The following DDOST variants were observed in gnomAD, a reference collection of about 807,000 sequenced individuals.
The protein encoded by DDOST is dolichyl-diphosphooligosaccharide--protein glycosyltransferase 48 kDa subunit.
In DDOST, 25 loss-of-function variants were observed where a neutral mutation model predicts 47.6. The ratio of observed to expected loss-of-function variants is 0.53; its 90% confidence interval spans 0.38 to 0.73. DDOST has a LOEUF of 0.73. DDOST is among the 30% of genes least tolerant of loss of function. The pLI is 0.00. For synonymous variants in DDOST, 275 were observed against 236.0 expected (o/e 1.17, Z -1.51); for missense variants, 526 against 573.9 (o/e 0.92, Z 0.85).
In DDOST at chr1:20,651,801, TTTTATTTATTTA is replaced by T. The variant is rs78039244; in HGVS notation, c.*566_*577del. ...GTTTGAGGGCAACATCTCGCTTTAT[TTTTATTTATTTA>T]TTTATTTATTTATTTATTTATTTAT... On this transcript the variant is annotated 3_prime_UTR_variant, in exon 11 of 11. Transcript: ENST00000602624. The T allele has an allele frequency of 0.4, 58,811 of 147,092 alleles. 11,661 individuals are homozygous for T. The highest frequency in any genetic ancestry group is 0.45 in the Middle Eastern group (129 of 288). 9.1% of individuals were successfully genotyped at this position (147,092 alleles called of 1,614,324 possible).
Position 20,652,936 on chromosome 1 carries a change from G to A in DDOST, c.978C>T (p.Gly326=). 1 of 1,614,202 alleles carries A rather than the reference G, an allele frequency of 6.2e-7. No homozygotes were observed. Among genetic ancestry groups the A allele is most frequent in the Non-Finnish European group, 8.5e-7 (1 of 1,180,024 alleles). Residue 326 remains glycine (G), a synonymous_variant, in exon 9 of 11, where the codon GGC becomes GGT. Coordinates refer to ENST00000602624, the MANE Select transcript of DDOST (RefSeq NM_005216.5). ...YSIVIQQLSN[G]KWVPFDGDDI... ...CATCGCCATCAAAGGGGACCCATTTGCCATTTGAGAGCTGCTGGATCACGA... is the reference window on the plus strand; with the variant it reads ...CATCGCCATCAAAGGGGACCCATTTACCATTTGAGAGCTGCTGGATCACGA...
At position 20,651,801 on chromosome 1, in the gene DDOST, T is replaced by TTTTATTTATTTATTTATTTATTTATTTA. The variant is rs78039244; in HGVS notation, c.*550_*577dup. 12 of 147,210 alleles carry TTTTATTTATTTATTTATTTATTTATTTA rather than the reference T, an allele frequency of 8.2e-5. No individual in the cohort carries two copies. In the East Asian group the frequency reaches 1.0e-3, roughly 12 times the overall value. The allele number at this position is 147,210 out of a possible 1,614,324, so 9.1% of individuals were successfully genotyped here. A position where few individuals can be genotyped will look rare whatever the true frequency, so the allele number is the denominator to read the frequency against. The stretch of plus-strand genomic sequence containing the variant: ...GTTTGAGGGCAACATCTCGCTTTAT[T>TTTTATTTATTTATTTATTTATTTATTTA]TTTATTTATTTATTTATTTATTTAT... On this transcript the variant is annotated 3_prime_UTR_variant, in exon 11 of 11. Coordinates refer to ENST00000602624, the MANE Select transcript of DDOST (RefSeq NM_005216.5).
chr1:20,654,858 CTTGT>C, intron 5 of DDOST, 151 bp from the exon 6 acceptor site: 1 of 609,804 alleles, frequency 1.6e-6, no homozygotes, highest in South Asian at 1.9e-5. Context: ...TGGAGTCTGA[CTTGT>C]TTTTGTTTTT....
chr1:20,654,468 C>A, intron 6 of DDOST, 97 bp from the exon 7 acceptor site: 1 of 1,453,046 alleles, frequency 6.9e-7, no homozygotes, highest in Non-Finnish European at 9.4e-7. Context: ...ACCAAAACGA[C>A]CCTGGCCCTA....
chr1:20,655,162 CTTTTTT>C (rs757852250), intron 5 of DDOST, among the ~76,000 whole-genome samples: 1 of 86,904 alleles, frequency 1.2e-5, no homozygotes, highest in Admixed American at 1.4e-4. Context: ...GCTCGGCCAA[CTTTTTT>C]TTGTTTTTTT....
intron 6 of DDOST, 113 bp from the exon 7 acceptor site, chr1:20,654,484 AG>A: frequency 7.0e-7 from 1 of 1,418,794 alleles, no homozygotes; most frequent in Non-Finnish European, 9.7e-7. Context: ...CCCTACCTGA[AG>A]GGGGAGCCTG....
intron 8 of DDOST, 46 bp from the exon 9 acceptor site, chr1:20,653,017 C>G: frequency 6.2e-7 from 1 of 1,609,468 alleles, no homozygotes; most frequent in Non-Finnish European, 8.5e-7. Context: ...TGACTGGAGG[C>G]CTTCCACCAC....
At position 20,661,216 on chromosome 1, in the gene DDOST, A is replaced by T; in HGVS notation, c.135T>A (p.Leu45=). The part of the protein sequence containing the change: ...DNLNVRETHS[L]FFRSLKDRGF... ...TCTCACCCTTCAGGCTCCGGAAGAA[A>T]AGCGAATGAGTCTCCCGCACGTTGA... The change falls in exon 1 of 11, where the codon CTT becomes CTA. Residue 45 remains leucine, a synonymous_variant. Coordinates refer to ENST00000602624, the MANE Select transcript of DDOST (RefSeq NM_005216.5). 6.2e-7 allele frequency: 1 copy of T among 1,613,934 alleles called. No homozygotes were observed. Among genetic ancestry groups the T allele is most frequent in the East Asian group, 2.2e-5 (1 of 44,864 alleles).
In DDOST at chr1:20,659,417, A is replaced by C. The variant is rs182148715; in HGVS notation, c.265+1464T>G. On this transcript the variant is annotated intron_variant, in intron 2 of 10. Coordinates refer to ENST00000602624, the MANE Select transcript of DDOST (RefSeq NM_005216.5). ...TGCCTCCGCTTCATCTTACATCCTG[A>C]CACAGGGTTTGGTAACTCATTTCAG... Among the ~76,000 whole-genome samples the C allele has an allele frequency of 5.1e-4, 78 of 152,202 alleles. 1 individual carries two copies. The highest frequency in any genetic ancestry group is 1.8e-3 in the African/African-American group (76 of 41,520).
At position 20,655,473 on chromosome 1, in the gene DDOST, G is replaced by A; in HGVS notation, c.518C>T (p.Ser173Leu). 6.2e-7 allele frequency: 1 copy of A among 1,614,016 alleles called. No homozygotes were observed. Among genetic ancestry groups the A allele is most frequent in the Non-Finnish European group, 8.5e-7 (1 of 1,179,968 alleles). ...LLKAPTIVGKSSLNPILFRGV... is the reference protein window; with the variant it reads ...LLKAPTIVGKLSLNPILFRGV... ...TCGAAAGAGGATGGGATTTAGAGAT[G>A]ATTTCCCAACGATGGTTGGGGCCTT... The change falls in exon 5 of 11, where the codon TCA becomes TTA. Residue 173 changes from serine to leucine, a missense_variant. Physicochemically the swap from Ser to Leu is moderately radical, Grantham distance 145 (BLOSUM62 -2). Coordinates refer to ENST00000602624, the MANE Select transcript of DDOST (RefSeq NM_005216.5).
intron 3 of DDOST, 45 bp from the exon 4 acceptor site, chr1:20,655,824 C>A (rs1042720788): frequency 3.3e-6 from 5 of 1,537,178 alleles, no homozygotes; most frequent in Admixed American, 1.7e-5. Context: ...TACAGGGGGG[C>A]CTTGGGCCAA....
Position 20,655,791 on chromosome 1 carries a change from G to A in DDOST, c.353-12C>T, listed in dbSNP as rs933239309. 8.1e-6 allele frequency: 13 copies of A among 1,610,664 alleles called. No homozygotes were observed. The highest frequency in any genetic ancestry group is 4.0e-5 in the African/African-American group (3 of 74,834). ...TCGAAGAGGGTCACCTGCACAGACC[G>A]AAGAGACACCTAGCTGAGCCCTTAC... is the stretch of plus-strand genomic sequence containing the variant. On this transcript the variant is annotated splice_polypyrimidine_tract_variant and intron_variant, in intron 3 of 10. Transcript: ENST00000602624.
chr1:20,656,890 A>C (rs189557548), intron 2 of DDOST, among the ~76,000 whole-genome samples: 1 of 152,214 alleles, frequency 6.6e-6, no homozygotes, highest in Non-Finnish European at 1.5e-5. Context: ...GGGTGGGGCT[A>C]TTTGAGGCTC....
chr1:20,658,722 G>A (rs1162468174), intron 2 of DDOST, among the ~76,000 whole-genome samples: 2 of 152,154 alleles, frequency 1.3e-5, no homozygotes, highest in Non-Finnish European at 1.5e-5. Flanking sequence ...GAACTTACGG[G>A]TGTTGTTTTT....
intron 8 of DDOST, 51 bp downstream of exon 8, chr1:20,653,576 T>G (rs1220009154): frequency 2.0e-6 from 3 of 1,517,568 alleles, no homozygotes; most frequent in African/African-American, 2.8e-5. Context: ...TGAGCTGAGC[T>G]CAGTCAGCTT....
chr1:20,660,195 T>G (rs1184727924), intron 2 of DDOST, among the ~76,000 whole-genome samples: 1 of 152,246 alleles, frequency 6.6e-6, no homozygotes, highest in Non-Finnish European at 1.5e-5. Context: ...ATTCTATCTA[T>G]TCTCTAAGGT....
intron 8 of DDOST, 33 bp from the exon 9 acceptor site, chr1:20,653,004 C>T: frequency 6.2e-7 from 1 of 1,612,416 alleles, no homozygotes; most frequent in East Asian, 2.2e-5. Flanking sequence ...CCAGGGCTGG[C>T]CATGACTGGA....
intron 2 of DDOST, among the ~76,000 whole-genome samples, chr1:20,659,213 T>G (rs1192527161): frequency 6.6e-6 from 1 of 152,034 alleles, no homozygotes; most frequent in African/African-American, 2.4e-5. Flanking sequence ...TAGGTAGTTA[T>G]TAGCACAGGA....
At chr1:20,659,741 A>G (rs1317916360) in intron 2 of DDOST, among the ~76,000 whole-genome samples, 1 of 152,170 alleles carries the variant, frequency 6.6e-6, no homozygotes, top group Admixed American at 6.5e-5. Context: ...TACTTGAGGG[A>G]TTCGGTGGAA....
Sources: gnomAD v4.1 joint callset for allele counts (sites outside exome capture counted in the v4.1 genomes callset) on GRCh38, gnomAD v4.1.1 for gene constraint, MANE v1.5 for transcripts, NCBI Gene and HGNC (gene_info 2026-07-23, HGNC 2026-07-21) for gene names.